Variants in NECAB2 observed in about 807,000 individuals in gnomAD.
NECAB2 encodes the protein N-terminal EF-hand calcium-binding protein 2.
NECAB2 carries 68 observed loss-of-function variants against 51.9 expected under a neutral mutation model. The observed-to-expected ratio is 1.31, with a 90% confidence interval of 1.08 to 1.60. The LOEUF (loss-of-function observed/expected upper bound fraction) is 1.60. NECAB2 is among the 40% of genes most tolerant of loss of function. The probability of loss-of-function intolerance (pLI) is 0.00; values close to 1 mark genes in which losing one functional copy is unlikely to be tolerated. For missense variants in NECAB2, 854 were observed against 490.3 expected (o/e 1.74, Z -7.00); for synonymous variants, 329 against 203.5 (o/e 1.62, Z -5.25).
At chr16:83,997,153 C>A in intron 8 of NECAB2, 63 bp from the exon 9 acceptor site, 1 of 1,608,262 alleles carries the variant, frequency 6.2e-7, no homozygotes, top group Non-Finnish European at 8.5e-7. Context: ...TCCCAGAGCT[C>A]CTGGCTCCCC....
At chr16:83,967,513 G>A (rs1188847280), upstream of NECAB2, among the ~76,000 whole-genome samples, 1 of 129,814 alleles carries the variant, frequency 7.7e-6, no homozygotes, top group East Asian at 2.5e-4. Context: ...GGATGGGAGG[G>A]AGGATGGATG....
rs752616137 is a variant in NECAB2 at position 84,001,884 on chromosome 16, A to C, written c.1100A>C (p.Gln367Pro). Reference protein sequence around the residue: ...FRHVKVDTLSQPEALSRILVP... With the variant: ...FRHVKVDTLSPPEALSRILVP... The stretch of plus-strand genomic sequence containing the variant: ...CACGTCAAGGTGGACACACTGAGCC[A>C]GCCTGAGGCCCTCTCCAGGATCTTG... The change falls in exon 12 of 13, where the codon CAG (glutamine) becomes CCG (proline). Residue 367 changes from glutamine to proline, a missense_variant. Transcript: ENST00000305202. 6.2e-7 allele frequency: 1 copy of C among 1,614,096 alleles called. No homozygotes were observed. The highest frequency in any genetic ancestry group is 8.5e-7 in the Non-Finnish European group (1 of 1,179,944).
At chr16:83,982,275 T>G (rs926983543) in intron 5 of NECAB2, among the ~76,000 whole-genome samples, 4 of 152,236 alleles carry the variant, frequency 2.6e-5, no homozygotes, top group Non-Finnish European at 4.4e-5. Flanking sequence ...TGGGCCTCAT[T>G]CTGGGCCTCC....
At chr16:83,985,248 G>T (rs113534433) in intron 5 of NECAB2, among the ~76,000 whole-genome samples, 231 of 140,252 alleles carry the variant, frequency 1.6e-3, no homozygotes, top group African/African-American at 5.7e-3. Flanking sequence ...GGGAGGTGGA[G>T]GTTGCAGTGA....
intron 2 of NECAB2, among the ~76,000 whole-genome samples, chr16:83,973,849 G>A (rs140127086): frequency 0.012 from 1,881 of 152,258 alleles, 20 homozygotes; most frequent in South Asian, 0.024. Flanking sequence ...TGTGTCCAGC[G>A]TGGGCCTCTA....
intron 1 of NECAB2, among the ~76,000 whole-genome samples, chr16:83,969,065 C>G (rs1004339236): frequency 2.6e-5 from 4 of 151,818 alleles, no homozygotes; most frequent in Non-Finnish European, 4.4e-5. Flanking sequence ...GGAGACCCCC[C>G]TCCTCCGCCC....
chr16:83,992,412 A>G (rs2084638547), intron 6 of NECAB2, among the ~76,000 whole-genome samples: 1 of 141,108 alleles, frequency 7.1e-6, no homozygotes, highest in African/African-American at 3.0e-5. Flanking sequence ...TTTCAAATTG[A>G]GAAAAACCCT....
intron 9 of NECAB2, 58 bp downstream of exon 9, chr16:83,997,327 C>A (rs193193769): frequency 7.5e-5 from 121 of 1,606,556 alleles, no homozygotes; most frequent in Non-Finnish European, 9.1e-5. Flanking sequence ...CCAGGACTGC[C>A]AAGATCCAAG....
intron 10 of NECAB2, among the ~76,000 whole-genome samples, chr16:83,998,808 C>G (rs557411413): frequency 1.3e-5 from 2 of 152,174 alleles, no homozygotes; most frequent in Non-Finnish European, 2.9e-5. Flanking sequence ...CCTTCTCCCC[C>G]TGATGTGCTG....
At chr16:83,975,076 G>A (rs1440067272) in intron 2 of NECAB2, among the ~76,000 whole-genome samples, 5 of 136,730 alleles carry the variant, frequency 3.7e-5, no homozygotes, top group African/African-American at 1.2e-4. Context: ...GGAGGTGTGG[G>A]TGCAGGGATG....
chr16:83,984,026 C>G (rs1221300035), intron 5 of NECAB2, among the ~76,000 whole-genome samples: 2 of 141,520 alleles, frequency 1.4e-5, no homozygotes, highest in African/African-American at 5.2e-5. Flanking sequence ...GACGGAGTCT[C>G]GCTCTGTCAT....
intron 11 of NECAB2, 43 bp from the exon 12 acceptor site, chr16:84,001,770 ACACGCGGAGCTC>A (rs2084840976): frequency 6.3e-7 from 1 of 1,583,256 alleles, no homozygotes; most frequent in Admixed American, 1.7e-5. Context: ...CAGGGGAGCC[ACACGCGGAGCTC>A]CACTCCTGCC....
chr16:83,979,139 G>T (rs1298392189), intron 3 of NECAB2, among the ~76,000 whole-genome samples: 1 of 152,084 alleles, frequency 6.6e-6, no homozygotes, highest in Admixed American at 6.5e-5. Context: ...ACTTACCCTT[G>T]ACCCTTCCCA....
At chr16:83,992,933 C>T (rs933845213) in intron 6 of NECAB2, among the ~76,000 whole-genome samples, 1 of 151,644 alleles carries the variant, frequency 6.6e-6, no homozygotes, top group African/African-American at 2.4e-5. Flanking sequence ...TGCCGCAGAA[C>T]AGATAGTATG....
chr16:83,997,114 T>G, intron 8 of NECAB2, 102 bp from the exon 9 acceptor site: 2 of 1,408,744 alleles, frequency 1.4e-6, no homozygotes, highest in Non-Finnish European at 2.0e-6. Context: ...CAGGGCCGGG[T>G]CCTTGGGAGC....
chr16:83,985,602 C>T (rs956128973), intron 5 of NECAB2, among the ~76,000 whole-genome samples: 1 of 151,318 alleles, frequency 6.6e-6, no homozygotes, highest in African/African-American at 2.4e-5. Context: ...CACTGCACTC[C>T]AGCCTGGGCA....
At chr16:83,989,557 C>G (rs1001327769) in intron 5 of NECAB2, among the ~76,000 whole-genome samples, 1 of 152,152 alleles carries the variant, frequency 6.6e-6, no homozygotes, top group African/African-American at 2.4e-5. Flanking sequence ...GGGCAGGTGG[C>G]TTGGGAAGGC....
intron 8 of NECAB2, among the ~76,000 whole-genome samples, chr16:83,995,953 C>G (rs555417724): frequency 5.7e-4 from 87 of 152,326 alleles, no homozygotes; most frequent in African/African-American, 2.0e-3. Context: ...CACCGTCGCC[C>G]TAACAACCAG....
intron 2 of NECAB2, among the ~76,000 whole-genome samples, chr16:83,978,026 C>G (rs1447083125): frequency 6.6e-6 from 1 of 152,180 alleles, no homozygotes; most frequent in South Asian, 2.1e-4. Context: ...TAGCACCTGC[C>G]TCCAGGTGGC....
Sources: gnomAD v4.1 joint callset for allele counts (sites outside exome capture counted in the v4.1 genomes callset) on GRCh38, gnomAD v4.1.1 for gene constraint, MANE v1.5 for transcripts, NCBI Gene and HGNC (gene_info 2026-07-23, HGNC 2026-07-21) for gene names.